RYR2: variants seen among roughly 807,000 people sequenced by gnomAD.
RYR2 encodes the protein cardiac muscle ryanodine receptor-calcium release channel.
RYR2 carries 227 observed loss-of-function variants against 601.1 expected under a neutral mutation model. The ratio of observed to expected loss-of-function variants is 0.38; its 90% CI spans 0.34 to 0.42. The LOEUF is 0.42. Ranked by LOEUF, RYR2 falls within the 10% of genes least tolerant of loss-of-function variation. RYR2 has a pLI of 1.00. For missense variants in RYR2, 4,646 were observed against 6,156.5 expected, an observed-to-expected ratio of 0.75 and a Z score of 8.21; for synonymous variants, 2,223 against 2,175.1, an observed-to-expected ratio of 1.02 and a Z score of -0.61.
At chr1:237,340,578 A>G (rs1039938128) in intron 3 of RYR2, among the ~76,000 whole-genome samples, 1 of 152,218 alleles carries the variant, frequency 6.6e-6, no homozygotes, top group African/African-American at 2.4e-5. Context: ...AGCTATTTAT[A>G]TCTGAAACTT....
intron 1 of RYR2, among the ~76,000 whole-genome samples, chr1:237,267,118 G>A (rs1486882081): frequency 1.3e-5 from 2 of 152,096 alleles, no homozygotes; most frequent in Admixed American, 1.3e-4. Context: ...ATCTCCACAC[G>A]AGCTCTAATT....
intron 15 of RYR2, among the ~76,000 whole-genome samples, chr1:237,455,488 A>T (rs1658697806): frequency 6.6e-6 from 1 of 152,122 alleles, no homozygotes; most frequent in African/African-American, 2.4e-5. Flanking sequence ...TATCTGGGTG[A>T]TGAAATCATT....
At chr1:237,806,906 A>G (rs964947046) in intron 99 of RYR2, among the ~76,000 whole-genome samples, 6 of 152,208 alleles carry the variant, frequency 3.9e-5, no homozygotes, top group African/African-American at 1.4e-4. Flanking sequence ...CCTGAAGCAT[A>G]TTGCAGAAGT....
chr1:237,752,025 A>C (rs1183917308), intron 80 of RYR2, among the ~76,000 whole-genome samples: 1 of 152,220 alleles, frequency 6.6e-6, no homozygotes, highest in Non-Finnish European at 1.5e-5. Context: ...GTGATCACAA[A>C]CTATAGGATA....
chr1:237,718,496 G>T lies in RYR2; in HGVS notation c.10529G>T (p.Arg3510Leu), dbSNP rs375947003. ...DTEDEVRDII[R>L]SNIHLQGKLE... ...GAGGATGAAGTACGAGATATAATCC[G>T]CAGCAATATTCATTTACAAGGCAAG... The change falls in exon 73 of 105, where the codon CGC becomes CTC. Residue 3510 changes from arginine to leucine, a missense_variant. Physicochemically the swap from Arg to Leu is moderately radical, Grantham distance 102. Around this residue, in one of 17 missense-constraint regions of RYR2, gnomAD observed 1,497 missense variants for 1,842.6 expected, o/e 0.81. Coordinates refer to ENST00000366574, the MANE Select transcript of RYR2 (RefSeq NM_001035.3). 7 of 1,595,550 alleles carry T rather than the reference G, an allele frequency of 4.4e-6. No homozygotes were observed. The highest frequency in any genetic ancestry group is 1.7e-5 in the Admixed American group (1 of 59,808).
chr1:237,564,185 ATC>A (rs1451027447), intron 27 of RYR2, among the ~76,000 whole-genome samples: 1 of 152,120 alleles, frequency 6.6e-6, no homozygotes, highest in South Asian at 2.1e-4. Flanking sequence ...TTTATCGGTA[ATC>A]TGTTTTTTGA....
chr1:237,316,629 A>C (rs1367484341), intron 2 of RYR2, among the ~76,000 whole-genome samples: 1 of 152,158 alleles, frequency 6.6e-6, no homozygotes, highest in Admixed American at 6.5e-5. Flanking sequence ...TCAGGTTTAA[A>C]ACTATGGATC....
chr1:237,707,351 C>T (rs1323047503), intron 68 of RYR2, 82 bp downstream of exon 68: 5 of 677,236 alleles, frequency 7.4e-6, no homozygotes, highest in African/African-American at 5.5e-5. Context: ...TAGAATTTTC[C>T]CATCACAATT....
At chr1:237,135,359 G>GT (rs1009706445) in intron 1 of RYR2, among the ~76,000 whole-genome samples, 184 of 147,490 alleles carry the variant, frequency 1.2e-3, no homozygotes, top group South Asian at 2.6e-3. Flanking sequence ...CCCCTTGTTG[G>GT]TTTTTTTTTT....
At chr1:237,634,151 A>G (rs1360148021) in intron 43 of RYR2, among the ~76,000 whole-genome samples, 1 of 152,210 alleles carries the variant, frequency 6.6e-6, no homozygotes, top group Non-Finnish European at 1.5e-5. Context: ...TCGAAGAGAT[A>G]CGTGTACTTC....
At chr1:237,668,190 A>T (rs769685427) in intron 58 of RYR2, among the ~76,000 whole-genome samples, 1 of 152,130 alleles carries the variant, frequency 6.6e-6, no homozygotes, top group Non-Finnish European at 1.5e-5. Context: ...TAGCTTACAG[A>T]CTTCTGTACT....
At chr1:237,383,493 G>A (rs546017894) in intron 8 of RYR2, among the ~76,000 whole-genome samples, 2 of 122,432 alleles carry the variant, frequency 1.6e-5, no homozygotes, top group Admixed American at 1.0e-4. Context: ...ACAGGGGCAC[G>A]ATCTCGGCTC....
At chr1:237,430,391 TGTA>T (rs1160428423) in intron 12 of RYR2, among the ~76,000 whole-genome samples, 31 of 151,922 alleles carry the variant, frequency 2.0e-4, no homozygotes, top group Admixed American at 2.0e-3. Flanking sequence ...TAGATTTTAA[TGTA>T]ATCTATTGTT....
At chr1:237,475,092 A>G (rs73108501) in intron 17 of RYR2, among the ~76,000 whole-genome samples, 5,854 of 152,292 alleles carry the variant, frequency 0.038, 131 homozygotes, top group East Asian at 0.096. Context: ...CTAATAATTT[A>G]ATTCTAACAA....
chr1:237,618,384 A>C (rs1678710213), intron 38 of RYR2, among the ~76,000 whole-genome samples: 1 of 152,188 alleles, frequency 6.6e-6, no homozygotes. Flanking sequence ...TTTTAAGTAC[A>C]ACTAAAACCC....
Position 237,685,465 on chromosome 1 carries a change from A to C in RYR2, c.9018-1990A>C, listed in dbSNP as rs571938277. On this transcript the variant is annotated intron_variant, in intron 62 of 104. Transcript: ENST00000366574. ...ATAGAGCAGTCTGCCATTATAGCAA[A>C]ACATCCTAGGTTTGGATTAATTGAG... Among the ~76,000 whole-genome samples, 5 of 152,324 alleles carry C rather than the reference A, an allele frequency of 3.3e-5. No individual in the cohort carries two copies. In the South Asian group the frequency reaches 1.0e-3, roughly 32 times the overall value.
intron 89 of RYR2, among the ~76,000 whole-genome samples, chr1:237,782,042 T>G (rs920445574): frequency 3.3e-5 from 5 of 152,148 alleles, no homozygotes; most frequent in African/African-American, 1.2e-4. Flanking sequence ...GTCACTCCTT[T>G]GGGTTCTTAA....
chr1:237,654,741 G>A (rs372059871), intron 52 of RYR2, among the ~76,000 whole-genome samples: 3 of 152,134 alleles, frequency 2.0e-5, no homozygotes, highest in African/African-American at 7.2e-5. Context: ...TCTTATAAAG[G>A]CCAAAGAAAT....
chr1:237,773,836 G>C (rs759584670), intron 87 of RYR2, among the ~76,000 whole-genome samples, 188 bp downstream of exon 87: 6 of 152,144 alleles, frequency 3.9e-5, no homozygotes, highest in Non-Finnish European at 5.9e-5. Flanking sequence ...GGCAGGTTGA[G>C]ATATGATTAA....
Sources: gnomAD v4.1 joint callset for allele counts (sites outside exome capture counted in the v4.1 genomes callset) on GRCh38, gnomAD v4.1.1 for gene constraint, gnomAD v4.1.1 regional missense constraint, MANE v1.5 for transcripts, NCBI Gene and HGNC (gene_info 2026-07-23, HGNC 2026-07-21) for gene names.